The following CNTNAP2 variants were observed in gnomAD, a reference collection of about 807,000 sequenced individuals.
CNTNAP2 encodes contactin associated protein 2.
CNTNAP2 carries 98 observed loss-of-function variants against 155.2 expected under a neutral mutation model. The observed-to-expected ratio is 0.63, with a 90% CI of 0.54 to 0.75. The LOEUF is 0.75. CNTNAP2 is among the 30% of genes least tolerant of loss of function. CNTNAP2 has a pLI of 0.00. For missense variants in CNTNAP2, 1,727 were observed against 1,688.1 expected (o/e 1.02, Z -0.40); for synonymous variants, 651 against 631.2 (o/e 1.03, Z -0.47).
intron 3 of CNTNAP2, among the ~76,000 whole-genome samples, chr7:147,017,140 TC>T (rs1222541238): frequency 6.6e-6 from 1 of 151,964 alleles, no homozygotes; most frequent in Admixed American, 6.6e-5. Context: ...CTCCTTCAGG[TC>T]CTTTATTTCT....
chr7:148,174,808 G>A (rs1335968189), intron 18 of CNTNAP2, among the ~76,000 whole-genome samples: 1 of 152,164 alleles, frequency 6.6e-6, no homozygotes, highest in African/African-American at 2.4e-5. Flanking sequence ...TGTTACATAA[G>A]CATACGTGTG....
chr7:147,867,724 T>C (rs1799258426), intron 13 of CNTNAP2, among the ~76,000 whole-genome samples: 1 of 152,158 alleles, frequency 6.6e-6, no homozygotes, highest in African/African-American at 2.4e-5. Context: ...ATAACCTTTC[T>C]TCTACTTGAT....
chr7:148,132,508 C>T (rs1056840971), intron 16 of CNTNAP2, among the ~76,000 whole-genome samples: 1 of 151,832 alleles, frequency 6.6e-6, no homozygotes, highest in African/African-American at 2.4e-5. Flanking sequence ...GTATATAGCA[C>T]TCACATTCCA....
chr7:147,564,063 G>A (rs138920041), intron 12 of CNTNAP2, among the ~76,000 whole-genome samples: 54 of 152,190 alleles, frequency 3.5e-4, no homozygotes, highest in Middle Eastern at 3.4e-3. Flanking sequence ...CAGCTACTTG[G>A]GTGGCTCATG....
At chr7:147,305,853 G>T (rs1219872388) in intron 9 of CNTNAP2, among the ~76,000 whole-genome samples, 1 of 152,112 alleles carries the variant, frequency 6.6e-6, no homozygotes, top group South Asian at 2.1e-4. Flanking sequence ...GGTGTCTGAA[G>T]GCCCCAGGGG....
intron 15 of CNTNAP2, among the ~76,000 whole-genome samples, chr7:148,004,920 C>A (rs1227384577): frequency 1.3e-5 from 2 of 152,218 alleles, no homozygotes; most frequent in African/African-American, 2.4e-5. Context: ...GCTTATGAGG[C>A]AAGCATGGGG....
At chr7:146,492,808 A>G (rs1472044728) in intron 1 of CNTNAP2, among the ~76,000 whole-genome samples, 1 of 152,172 alleles carries the variant, frequency 6.6e-6, no homozygotes, top group African/African-American at 2.4e-5. Context: ...CATCATCTTA[A>G]ACATTTTTTC....
intron 1 of CNTNAP2, among the ~76,000 whole-genome samples, chr7:146,469,839 A>ATT (rs55827136): frequency 0.015 from 1,298 of 85,410 alleles, 18 homozygotes; most frequent in South Asian, 0.033. Context: ...CTTAATTGAC[A>ATT]TTTTTTTTTT....
In CNTNAP2 at chr7:148,124,825, C is replaced by T. The variant is rs543244666; in HGVS notation, c.2554+6537C>T. On this transcript the variant is annotated intron_variant, in intron 16 of 23. Transcript: ENST00000361727. ...AATGATAGGCACAAAGTATTATGAA[C>T]AATCGGTGGAGAGGTATGTGACCTA... 2.6e-4 allele frequency among the ~76,000 whole-genome samples: 39 copies of T among 152,106 alleles called. No individual in the cohort carries two copies. In the Middle Eastern group the frequency reaches 0.014, roughly 53 times the overall value.
At chr7:146,195,388 A>G (rs1406115454) in intron 1 of CNTNAP2, among the ~76,000 whole-genome samples, 1 of 152,222 alleles carries the variant, frequency 6.6e-6, no homozygotes, top group Non-Finnish European at 1.5e-5. Context: ...GTATTGAACT[A>G]ACATGGAGGG....
At chr7:146,998,024 A>C (rs922718078) in intron 3 of CNTNAP2, among the ~76,000 whole-genome samples, 2 of 151,834 alleles carry the variant, frequency 1.3e-5, no homozygotes, top group African/African-American at 4.8e-5. Context: ...AGGCTTTTGT[A>C]GTCTGTATTT....
At chr7:148,241,596 A>G (rs948655830) in intron 20 of CNTNAP2, among the ~76,000 whole-genome samples, 2 of 152,086 alleles carry the variant, frequency 1.3e-5, no homozygotes, top group Non-Finnish European at 2.9e-5. Flanking sequence ...CAGTCTCACA[A>G]AGGCATTTGA....
chr7:147,148,102 T>C (rs932107264), intron 8 of CNTNAP2, among the ~76,000 whole-genome samples: 2 of 151,962 alleles, frequency 1.3e-5, no homozygotes, highest in African/African-American at 2.4e-5. Flanking sequence ...TGGTAAAAAG[T>C]GGTGGGGGCC....
At chr7:148,070,830 G>A (rs944238680) in intron 15 of CNTNAP2, among the ~76,000 whole-genome samples, 1 of 152,126 alleles carries the variant, frequency 6.6e-6, no homozygotes, top group African/African-American at 2.4e-5. Context: ...GGTAAACTTT[G>A]TTATATGGAA....
intron 13 of CNTNAP2, among the ~76,000 whole-genome samples, chr7:147,867,964 C>T (rs1412903328): frequency 6.6e-6 from 1 of 152,164 alleles, no homozygotes; most frequent in Non-Finnish European, 1.5e-5. Context: ...TTGTCAATGT[C>T]ATTCTCTGTC....
chr7:147,135,595 T>C (rs1055856492), intron 8 of CNTNAP2, among the ~76,000 whole-genome samples: 1 of 151,784 alleles, frequency 6.6e-6, no homozygotes, highest in Non-Finnish European at 1.5e-5. Flanking sequence ...AACTTTAAAA[T>C]TCAAAACTCT....
intron 10 of CNTNAP2, among the ~76,000 whole-genome samples, chr7:147,483,405 G>A (rs1470467682): frequency 2.0e-5 from 3 of 151,996 alleles, no homozygotes; most frequent in South Asian, 2.1e-4. Flanking sequence ...AGATAGAGAG[G>A]GATGACTTGT....
At chr7:147,158,013 A>G (rs1801958794) in intron 8 of CNTNAP2, among the ~76,000 whole-genome samples, 1 of 152,102 alleles carries the variant, frequency 6.6e-6, no homozygotes, top group South Asian at 2.1e-4. Context: ...TATGCTTTTC[A>G]TGTCCTTAAG....
chr7:147,413,165 C>T (rs1395579369), intron 10 of CNTNAP2, among the ~76,000 whole-genome samples: 1 of 152,022 alleles, frequency 6.6e-6, no homozygotes, highest in Non-Finnish European at 1.5e-5. Flanking sequence ...GGCTTAGAGT[C>T]AAGGAATGCT....
Sources: gnomAD v4.1 joint callset for allele counts (sites outside exome capture counted in the v4.1 genomes callset) on GRCh38, gnomAD v4.1.1 for gene constraint, MANE v1.5 for transcripts, NCBI Gene and HGNC (gene_info 2026-07-23, HGNC 2026-07-21) for gene names.